Variants in PPP1R1B observed in about 807,000 individuals in gnomAD.
PPP1R1B encodes the protein protein phosphatase 1 regulatory inhibitor subunit 1B.
Under a neutral mutation model 28.2 loss-of-function variants are expected in PPP1R1B, and 13 were observed. The observed-to-expected ratio is 0.46, with a 90% CI of 0.30 to 0.73. PPP1R1B has a LOEUF of 0.73. Ranked by LOEUF, PPP1R1B falls within the 30% of genes least tolerant of loss-of-function variation. The pLI is 0.07. For synonymous variants in PPP1R1B, 102 were observed against 97.5 expected, an observed-to-expected ratio of 1.05 and a Z score of -0.27; for missense variants, 236 against 256.7, an observed-to-expected ratio of 0.92 and a Z score of 0.55.
chr17:39,636,026 C>A lies in PPP1R1B; in HGVS notation c.*161C>A. On this transcript the variant is annotated 3_prime_UTR_variant, in exon 7 of 7. Transcript: ENST00000254079. ...GCTGGTCTGTGTTTGCTTGTTTGCC[C>A]ACCTTTGGCTGATACCCAGAGAACC... 1.2e-6 allele frequency: 1 copy of A among 815,490 alleles called. No individual in the cohort carries two copies. The highest frequency in any genetic ancestry group is 1.9e-6 in the Non-Finnish European group (1 of 530,888). The allele number at this position is 815,490 out of a possible 1,614,324, so 50.5% of individuals were successfully genotyped here.
At position 39,627,428 on chromosome 17, in the gene PPP1R1B, G is replaced by C; in HGVS notation, c.36G>C (p.Ser12=). 6.2e-7 allele frequency: 1 copy of C among 1,603,332 alleles called. No individual in the cohort carries two copies. The highest frequency in any genetic ancestry group is 1.1e-5 in the South Asian group (1 of 90,274). ...AGGACCGCAAGAAGATCCAGTTCTC[G>C]GTGCCCGCGCCCCCTAGCCAGCTCG... ...DPKDRKKIQF[S]VPAPPSQLDP... The change falls in exon 1 of 7, where the codon TCG becomes TCC. Residue 12 remains serine, a synonymous_variant. Coordinates refer to ENST00000254079, the MANE Select transcript of PPP1R1B (RefSeq NM_032192.4).
chr17:39,630,200 T>A, intron 4 of PPP1R1B, 153 bp downstream of exon 4: 1 of 691,806 alleles, frequency 1.4e-6, no homozygotes. Context: ...ACCAATTTTT[T>A]CTCAGTCTGG....
chr17:39,628,542 CAG>C (rs2056852904), intron 1 of PPP1R1B: 10 of 985,602 alleles, frequency 1.0e-5, no homozygotes, highest in Non-Finnish European at 1.2e-5. Context: ...TGCAGCCTTA[CAG>C]AGACTGGAAA....
chr17:39,635,480 C>T, intron 5 of PPP1R1B, 127 bp from the exon 6 acceptor site: 1 of 1,298,456 alleles, frequency 7.7e-7, no homozygotes, highest in South Asian at 1.4e-5. Flanking sequence ...TAGCCCAGTT[C>T]TCTCTCCATG....
In PPP1R1B at chr17:39,636,290, C is replaced by T. The variant is rs2056923527; in HGVS notation, c.*425C>T. On this transcript the variant is annotated 3_prime_UTR_variant, in exon 7 of 7. Transcript: ENST00000254079. Reference sequence around the variant, plus strand: ...GAGGTACCCTTAGATCCTTTTCTACCCACTTTCCTATGGAGGATTCCAAGT... The same window carrying T: ...GAGGTACCCTTAGATCCTTTTCTACTCACTTTCCTATGGAGGATTCCAAGT... The T allele has an allele frequency of 5.9e-6, 1 of 169,308 alleles. No individual in the cohort carries two copies. Among genetic ancestry groups the T allele is most frequent in the Non-Finnish European group, 1.3e-5 (1 of 77,766 alleles). 10.5% of individuals were successfully genotyped at this position (169,308 alleles called of 1,614,324 possible). A position where few individuals can be genotyped will look rare whatever the true frequency, so the allele number is the denominator to read the frequency against.
At chr17:39,629,843 C>T in intron 3 of PPP1R1B, 129 bp from the exon 4 acceptor site, 1 of 1,034,668 alleles carries the variant, frequency 9.7e-7, no homozygotes, top group Non-Finnish European at 1.5e-6. Flanking sequence ...GGAGGCTCAG[C>T]CTAGGTGCAG....
chr17:39,628,459 G>A (rs1031364503), intron 1 of PPP1R1B: 28 of 965,702 alleles, frequency 2.9e-5, no homozygotes, highest in African/African-American at 5.3e-5. Flanking sequence ...GGAGGGGGGC[G>A]GTCAGTTGCT....
intron 5 of PPP1R1B, among the ~76,000 whole-genome samples, chr17:39,634,396 G>A (rs966946815): frequency 1.3e-5 from 2 of 152,246 alleles, no homozygotes; most frequent in African/African-American, 2.4e-5. Flanking sequence ...ATGGCAGTAA[G>A]GGGGCGTGAG....
At chr17:39,629,429 C>T in intron 2 of PPP1R1B, 111 bp from the exon 3 acceptor site, 1 of 1,438,876 alleles carries the variant, frequency 6.9e-7, no homozygotes, top group Non-Finnish European at 9.7e-7. Flanking sequence ...CTTTCCCTGT[C>T]CCCAGAGATT....
chr17:39,628,637 C>T, intron 1 of PPP1R1B: 2 of 986,462 alleles, frequency 2.0e-6, no homozygotes, highest in Non-Finnish European at 2.4e-6. Context: ...GGGGTGCCTG[C>T]AGTGCGCTGG....
chr17:39,633,865 C>T lies in PPP1R1B; in HGVS notation c.242-18C>T, dbSNP rs200075006. ...GTGTCTAGCTGACCCTTGCTTTCCT[C>T]GGTCTCCTCTGTGCCAGCTGTGCAG... On this transcript the variant is annotated intron_variant, in intron 4 of 6. Transcript: ENST00000254079. The T allele has an allele frequency of 1.1e-4, 176 of 1,612,706 alleles. No homozygotes were observed. The African/African-American group carries it at 1.4e-3, about 12-fold the overall frequency.
At chr17:39,632,245 T>G (rs1478908602) in intron 4 of PPP1R1B, 1 of 151,256 alleles carries the variant, frequency 6.6e-6, no homozygotes, top group Non-Finnish European at 1.5e-5. Context: ...CTGGAAGGAG[T>G]GATGGGGAGA....
chr17:39,629,410 G>A (rs1255489041), intron 2 of PPP1R1B, 130 bp from the exon 3 acceptor site: 11 of 1,341,686 alleles, frequency 8.2e-6, no homozygotes, highest in South Asian at 3.6e-5. Context: ...GCAGGAGGGA[G>A]AGGGCACACT....
At chr17:39,628,512 A>G (rs1168063026) in intron 1 of PPP1R1B, 1 of 985,414 alleles carries the variant, frequency 1.0e-6, no homozygotes, top group East Asian at 1.1e-4. Context: ...CATTTCTCAC[A>G]AGGACTGGGT....
At chr17:39,634,232 C>G (rs765830125) in intron 5 of PPP1R1B, 146 bp downstream of exon 5, 27 of 988,396 alleles carry the variant, frequency 2.7e-5, no homozygotes, top group Non-Finnish European at 3.5e-5. Flanking sequence ...ATGGGGTGCC[C>G]CGAACTCAGC....
At position 39,629,565 on chromosome 17, in the gene PPP1R1B, G is replaced by A; in HGVS notation, c.165+3G>A. On this transcript the variant is annotated splice_donor_region_variant and intron_variant, in intron 3 of 6. Coordinates refer to ENST00000254079, the MANE Select transcript of PPP1R1B (RefSeq NM_032192.4). ...AGGAGGAAGCCTCCCCCCACCAGGT[G>A]AGTTTCCTGGGGCAGCTGGAAGGAG... 6.2e-7 allele frequency: 1 copy of A among 1,613,682 alleles called. No homozygotes were observed. Among genetic ancestry groups the A allele is most frequent in the Non-Finnish European group, 8.5e-7 (1 of 1,179,924 alleles).
chr17:39,631,879 G>C (rs1465836648), intron 4 of PPP1R1B, among the ~76,000 whole-genome samples: 1 of 152,064 alleles, frequency 6.6e-6, no homozygotes, highest in African/African-American at 2.4e-5. Context: ...ATCTTCTCAG[G>C]AGAGAATTTA....
chr17:39,629,133 G>A, intron 1 of PPP1R1B, 37 bp from the exon 2 acceptor site: 1 of 1,598,202 alleles, frequency 6.3e-7, no homozygotes, highest in Non-Finnish European at 8.6e-7. Flanking sequence ...GAGGGCTGCA[G>A]GTGTCCATCC....
chr17:39,629,352 G>C, intron 2 of PPP1R1B, 122 bp downstream of exon 2: 1 of 1,288,246 alleles, frequency 7.8e-7, no homozygotes, highest in Non-Finnish European at 1.1e-6. Flanking sequence ...ATAAGGTCTG[G>C]GAACCCAACT....
Sources: gnomAD v4.1 joint callset for allele counts (sites outside exome capture counted in the v4.1 genomes callset) on GRCh38, gnomAD v4.1.1 for gene constraint, MANE v1.5 for transcripts, NCBI Gene and HGNC (gene_info 2026-07-23, HGNC 2026-07-21) for gene names.